The following CDH12 variants were observed in gnomAD, a reference collection of about 807,000 sequenced individuals.
CDH12 encodes the protein cadherin-12.
A neutral mutation model predicts 74.1 loss-of-function variants in CDH12; 41 were observed. The observed-to-expected ratio is 0.55, with a 90% CI of 0.43 to 0.72. The LOEUF (loss-of-function observed/expected upper bound fraction) is 0.72. CDH12 is among the 30% of genes least tolerant of loss of function. CDH12 has a pLI of 0.00. For missense variants in CDH12, 945 were observed against 977.2 expected, an observed-to-expected ratio of 0.97 and a Z score of 0.44; for synonymous variants, 399 against 355.0, an observed-to-expected ratio of 1.12 and a Z score of -1.39.
chr5:22,216,104 T>C (rs536115608), intron 3 of CDH12, among the ~76,000 whole-genome samples: 1 of 152,154 alleles, frequency 6.6e-6, no homozygotes, highest in South Asian at 2.1e-4. Context: ...GTCCTATTGC[T>C]CCCCACTATG....
chr5:22,454,726 T>C (rs1261258), intron 2 of CDH12, among the ~76,000 whole-genome samples: 71,714 of 151,924 alleles, frequency 0.47, 17,331 homozygotes, highest in Admixed American at 0.64. Flanking sequence ...CCACCTAATC[T>C]AGCCTCCCAA....
intron 5 of CDH12, among the ~76,000 whole-genome samples, chr5:22,060,482 AAAT>A (rs1399608118): frequency 6.6e-6 from 1 of 152,142 alleles, no homozygotes; most frequent in Non-Finnish European, 1.5e-5. Context: ...ACTTCAAGTA[AAAT>A]AAATAAATTA....
chr5:22,777,125 G>T (rs979973337), intron 1 of CDH12, among the ~76,000 whole-genome samples: 3 of 151,928 alleles, frequency 2.0e-5, no homozygotes, highest in African/African-American at 7.3e-5. Flanking sequence ...AGATAGCTAT[G>T]AGCTACCCCA....
chr5:22,761,979 T>C (rs561880948), intron 1 of CDH12, among the ~76,000 whole-genome samples: 1 of 151,852 alleles, frequency 6.6e-6, no homozygotes, highest in South Asian at 2.1e-4. Context: ...CCTAGTGTTA[T>C]AAAGGTGCCA....
At chr5:22,847,075 C>G (rs553458195) in intron 1 of CDH12, among the ~76,000 whole-genome samples, 1 of 152,162 alleles carries the variant, frequency 6.6e-6, no homozygotes, top group South Asian at 2.1e-4. Flanking sequence ...ACTGGGCTTC[C>G]TTCTTGTAGG....
At position 22,446,434 on chromosome 5, in the gene CDH12, TCAA is replaced by T. The variant is rs141057759; in HGVS notation, c.-427-41086_-427-41084del. 8.1e-3 allele frequency among the ~76,000 whole-genome samples: 1,231 copies of T among 152,146 alleles called. 21 individuals carry two copies. Among genetic ancestry groups the T allele is most frequent in the African/African-American group, 0.027 (1,133 of 41,520 alleles). ...TGGGGATAATTGTTTTACATTCTGT[TCAA>T]CAACAACAACAACAAAATGAGACTG... is the stretch of plus-strand genomic sequence containing the variant. On this transcript the variant is annotated intron_variant, in intron 2 of 14. Transcript: ENST00000382254.
chr5:22,720,808 C>T (rs1372541755), intron 1 of CDH12, among the ~76,000 whole-genome samples: 3 of 152,088 alleles, frequency 2.0e-5, no homozygotes, highest in Admixed American at 6.6e-5. Context: ...GTCACCCTTG[C>T]TATGGTTTAG....
chr5:22,379,956 T>C (rs1741690357), intron 3 of CDH12, among the ~76,000 whole-genome samples: 1 of 152,156 alleles, frequency 6.6e-6, no homozygotes, highest in Admixed American at 6.5e-5. Context: ...ACAAGGTCTC[T>C]CTATTTTACC....
At chr5:22,068,707 C>T (rs1039069890) in intron 5 of CDH12, among the ~76,000 whole-genome samples, 1 of 152,066 alleles carries the variant, frequency 6.6e-6, no homozygotes, top group African/African-American at 2.4e-5. Flanking sequence ...GGAATGTTTA[C>T]AAAAAGGTAA....
chr5:21,885,541 C>T (rs1266963837), intron 6 of CDH12, among the ~76,000 whole-genome samples: 3 of 152,182 alleles, frequency 2.0e-5, no homozygotes, highest in African/African-American at 7.2e-5. Flanking sequence ...TTGTAGATAG[C>T]AAATCTGAGC....
chr5:22,478,184 C>T (rs192109301), intron 2 of CDH12, among the ~76,000 whole-genome samples: 3 of 151,836 alleles, frequency 2.0e-5, no homozygotes, highest in South Asian at 4.2e-4. Flanking sequence ...TTTGGGAGGC[C>T]GAGGCGGGTG....
chr5:22,442,542 G>A (rs1176646754), intron 2 of CDH12, among the ~76,000 whole-genome samples: 5 of 152,146 alleles, frequency 3.3e-5, no homozygotes, highest in African/African-American at 1.2e-4. Context: ...ATGAGACATA[G>A]ATCGAACTGA....
At chr5:21,784,675 T>A (rs1428794857) in intron 10 of CDH12, among the ~76,000 whole-genome samples, 1 of 152,196 alleles carries the variant, frequency 6.6e-6, no homozygotes, top group Non-Finnish European at 1.5e-5. Context: ...TGAAAGCAGA[T>A]GGCATCATTG....
At chr5:21,945,743 GA>G (rs1361862644) in intron 6 of CDH12, among the ~76,000 whole-genome samples, 2 of 145,706 alleles carry the variant, frequency 1.4e-5, no homozygotes, top group African/African-American at 5.3e-5. Context: ...ACAAGAAGAA[GA>G]AAACTGATAA....
At chr5:21,930,199 G>A (rs146190558) in intron 6 of CDH12, among the ~76,000 whole-genome samples, 8 of 152,244 alleles carry the variant, frequency 5.3e-5, no homozygotes, top group Non-Finnish European at 4.4e-5. Context: ...GCTTATGTTT[G>A]GAGCAAGAAA....
intron 5 of CDH12, among the ~76,000 whole-genome samples, chr5:22,002,152 T>C (rs977722564): frequency 6.6e-6 from 1 of 152,196 alleles, no homozygotes; most frequent in African/African-American, 2.4e-5. Context: ...TACTAGTCAG[T>C]AAATTTAAAA....
chr5:22,478,156 C>T (rs941944361), intron 2 of CDH12, among the ~76,000 whole-genome samples: 3 of 152,018 alleles, frequency 2.0e-5, no homozygotes, highest in Non-Finnish European at 2.9e-5. Context: ...CGGTGGCTCA[C>T]GCCTGTAATC....
intron 3 of CDH12, chr5:22,213,766 A>T: frequency 6.6e-6 from 1 of 152,284 alleles, no homozygotes; most frequent in Admixed American, 6.5e-5. Context: ...TGAAAAAAGT[A>T]ATTTGCATGT....
intron 6 of CDH12, among the ~76,000 whole-genome samples, chr5:21,856,965 T>C (rs1041528671): frequency 2.6e-5 from 4 of 151,890 alleles, no homozygotes; most frequent in Admixed American, 6.6e-5. Context: ...AGATTGCCTT[T>C]CTGGGTGTTT....
Sources: allele counts gnomAD v4.1 joint callset (sites outside exome capture counted in the v4.1 genomes callset), GRCh38; gene constraint gnomAD v4.1.1; transcripts MANE v1.5; gene names NCBI Gene and HGNC (gene_info 2026-07-23, HGNC 2026-07-21).